DPYSL5: variants seen among roughly 807,000 people sequenced by gnomAD.
The protein encoded by DPYSL5 is dihydropyrimidinase-related protein 5.
Under a neutral mutation model 58.4 loss-of-function variants are expected in DPYSL5, and 9 were observed. The ratio of observed to expected loss-of-function variants is 0.15; its 90% CI spans 0.09 to 0.27. DPYSL5 has a LOEUF of 0.27. DPYSL5 is among the 10% of genes least tolerant of loss of function. DPYSL5 has a pLI of 1.00. For synonymous variants in DPYSL5, 293 were observed against 301.9 expected (o/e 0.97, Z 0.31); for missense variants, 499 against 770.6 (o/e 0.65, Z 4.17).
intron 5 of DPYSL5, among the ~76,000 whole-genome samples, chr2:26,931,201 G>GTATATATATATATA (rs1161770394): frequency 0.011 from 595 of 54,450 alleles, 11 homozygotes; most frequent in Non-Finnish European, 0.017. Flanking sequence ...GTGTGTGTGT[G>GTATATATATATATA]TGTATATATA....
intron 1 of DPYSL5, among the ~76,000 whole-genome samples, chr2:26,879,679 T>C (rs145430594): frequency 0.011 from 1,678 of 152,280 alleles, 16 homozygotes; most frequent in Non-Finnish European, 0.018. Flanking sequence ...CAGTGAGTGC[T>C]GGTTCTCTGC....
chr2:26,875,548 C>G (rs866318424), intron 1 of DPYSL5, among the ~76,000 whole-genome samples: 4 of 152,346 alleles, frequency 2.6e-5, no homozygotes, highest in South Asian at 2.1e-4. Flanking sequence ...GAGTCAGTAT[C>G]TGGCGTGGAG....
chr2:26,871,693 G>A (rs555290373), intron 1 of DPYSL5, among the ~76,000 whole-genome samples: 17 of 151,900 alleles, frequency 1.1e-4, no homozygotes, highest in Non-Finnish European at 1.6e-4. Context: ...CACCCGCCTC[G>A]GCCTTCCAAA....
intron 8 of DPYSL5, among the ~76,000 whole-genome samples, chr2:26,937,979 T>TA (rs1380425444): frequency 2.6e-5 from 4 of 152,340 alleles, no homozygotes; most frequent in East Asian, 1.9e-4. Flanking sequence ...ATGCTGGGAT[T>TA]ACAGATGTGA....
At chr2:26,941,557 G>A (rs183741693) in intron 9 of DPYSL5, among the ~76,000 whole-genome samples, 1 of 152,338 alleles carries the variant, frequency 6.6e-6, no homozygotes, top group Admixed American at 6.5e-5. Context: ...GTACTCTCAT[G>A]GGTGGGGCAA....
At chr2:26,884,368 C>T (rs537716835) in intron 1 of DPYSL5, among the ~76,000 whole-genome samples, 29 of 152,282 alleles carry the variant, frequency 1.9e-4, no homozygotes, top group African/African-American at 7.0e-4. Flanking sequence ...CCTGCCCAGG[C>T]CTCAAGTAAT....
At position 26,934,361 on chromosome 2, in the gene DPYSL5, C is replaced by T. The variant is rs1288477667; in HGVS notation, c.791-217C>T. On this transcript the variant is annotated intron_variant, in intron 7 of 12. Coordinates refer to ENST00000288699, the MANE Select transcript of DPYSL5 (RefSeq NM_020134.4). The surrounding 1 kb of genome is among the most constrained non-coding windows in gnomAD (Gnocchi z 4.3). ...AGTGCCGCTTGGTCCTGCTGGGCCT[C>T]GGTGCCCATGTCCCTCTGTCCTCCT... 1.3e-5 allele frequency among the ~76,000 whole-genome samples: 2 copies of T among 152,166 alleles called. No individual in the cohort carries two copies. Among genetic ancestry groups the T allele is most frequent in the Middle Eastern group, 3.2e-3 (1 of 316 alleles).
At chr2:26,940,252 A>G in intron 9 of DPYSL5, 80 bp downstream of exon 9, 1 of 1,525,476 alleles carries the variant, frequency 6.6e-7, no homozygotes, top group Non-Finnish European at 8.9e-7. Context: ...CAATAAGAGT[A>G]TTCACTCCTC....
intron 2 of DPYSL5, among the ~76,000 whole-genome samples, chr2:26,904,767 G>A (rs1664247511): frequency 6.6e-6 from 1 of 152,200 alleles, no homozygotes; most frequent in Admixed American, 6.5e-5. Flanking sequence ...GCCAGGCGTG[G>A]TGGTGTACGC....
At chr2:26,875,230 C>A (rs1042342791) in intron 1 of DPYSL5, among the ~76,000 whole-genome samples, 1 of 152,194 alleles carries the variant, frequency 6.6e-6, no homozygotes, top group African/African-American at 2.4e-5. Context: ...AGGGACAGCT[C>A]ATCACAGACA....
chr2:26,871,273 T>C (rs1297536929), intron 1 of DPYSL5, among the ~76,000 whole-genome samples: 1 of 152,218 alleles, frequency 6.6e-6, no homozygotes, highest in African/African-American at 2.4e-5. Context: ...GTTGCTTACT[T>C]ATCCCTTCCC....
intron 5 of DPYSL5, 93 bp downstream of exon 5, chr2:26,928,416 C>A: frequency 7.1e-7 from 1 of 1,400,754 alleles, no homozygotes; most frequent in Non-Finnish European, 9.9e-7. Context: ...TACAAATTAG[C>A]CAGGCACAAG....
chr2:26,943,590 A>G (rs542423662), intron 11 of DPYSL5, among the ~76,000 whole-genome samples: 1 of 152,284 alleles, frequency 6.6e-6, no homozygotes, highest in Non-Finnish European at 1.5e-5. Context: ...ACGATGTAGG[A>G]CCATAAATGA....
intron 1 of DPYSL5, among the ~76,000 whole-genome samples, chr2:26,890,918 A>T (rs1398289642): frequency 2.0e-5 from 3 of 152,212 alleles, no homozygotes; most frequent in African/African-American, 7.2e-5. Flanking sequence ...TAATCCTAGC[A>T]GATCACGGCC....
intron 1 of DPYSL5, among the ~76,000 whole-genome samples, chr2:26,862,175 G>T (rs1013496981): frequency 6.6e-6 from 1 of 152,234 alleles, no homozygotes; most frequent in Non-Finnish European, 1.5e-5. Context: ...GACCCACAGA[G>T]TGTGAGGAAA....
At position 26,946,968 on chromosome 2, in the gene DPYSL5, C is replaced by T. The variant is rs932983221; in HGVS notation, c.1668C>T (p.Pro556=). 3 of 1,613,820 alleles carry T rather than the reference C, an allele frequency of 1.9e-6. No homozygotes were observed. The highest frequency in any genetic ancestry group is 1.7e-5 in the Admixed American group (1 of 60,004). ...CTTCAGCTCGGATCCTCGCTCCTCC[C>T]GGAGGCAGGTCGAGTGGCATTTGGT... is the stretch of plus-strand genomic sequence containing the variant. ...KRASARILAP[P]GGRSSGIW The change falls in exon 13 of 13, where the codon CCC becomes CCT. Residue 556 remains proline (P), a synonymous_variant. Coordinates refer to ENST00000288699, the MANE Select transcript of DPYSL5 (RefSeq NM_020134.4).
At chr2:26,902,381 G>A (rs1270821595) in intron 2 of DPYSL5, among the ~76,000 whole-genome samples, 2 of 152,082 alleles carry the variant, frequency 1.3e-5, no homozygotes, top group African/African-American at 4.8e-5. Flanking sequence ...AGGGCCAGGT[G>A]AAAATATCAG....
At chr2:26,871,454 A>G (rs113228274) in intron 1 of DPYSL5, among the ~76,000 whole-genome samples, 1,863 of 152,094 alleles carry the variant, frequency 0.012, 43 homozygotes, top group African/African-American at 0.042. Flanking sequence ...TATTATTATT[A>G]TTGTTTGAGA....
chr2:26,943,953 C>T (rs970680218), intron 11 of DPYSL5, among the ~76,000 whole-genome samples: 1 of 152,130 alleles, frequency 6.6e-6, no homozygotes, highest in Non-Finnish European at 1.5e-5. Flanking sequence ...TCGTGGGAGC[C>T]TAAGGTGGGG....
Sources: allele counts gnomAD v4.1 joint callset (sites outside exome capture counted in the v4.1 genomes callset), GRCh38; gene constraint gnomAD v4.1.1; non-coding constraint Gnocchi (gnomAD v3.1); transcripts MANE v1.5; gene names NCBI Gene and HGNC (gene_info 2026-07-23, HGNC 2026-07-21).